AGTRAP: variants seen among roughly 807,000 people sequenced by gnomAD.
The protein encoded by AGTRAP is type-1 angiotensin II receptor-associated protein.
In AGTRAP, 7 loss-of-function variants were observed where a neutral mutation model predicts 15.2. The observed-to-expected ratio is 0.46, with a 90% CI of 0.26 to 0.87. The LOEUF (loss-of-function observed/expected upper bound fraction) is 0.87, where lower values mean the gene tolerates loss of function less well. Ranked by LOEUF, AGTRAP falls within the 40% of genes least tolerant of loss-of-function variation. The pLI is 0.15. For missense variants in AGTRAP, 187 were observed against 213.4 expected, an observed-to-expected ratio of 0.88 and a Z score of 0.77; for synonymous variants, 74 against 89.6, an observed-to-expected ratio of 0.83 and a Z score of 0.98.
rs1642277114 is a variant in AGTRAP, at chr1:11,750,065, C to T, written c.365-12C>T. 2 of 1,607,142 alleles carry T rather than the reference C, an allele frequency of 1.2e-6. No homozygotes were observed. The highest frequency in any genetic ancestry group is 2.2e-5 in the East Asian group (1 of 44,840). On this transcript the variant is annotated splice_polypyrimidine_tract_variant and intron_variant, in intron 4 of 4. Transcript: ENST00000314340. Reference sequence around the variant, plus strand: ...TTCATTTTTCTTTCCCACCATGTCCCCTGTCACCTAGGTTTCCTTGGGTCT... The same window carrying T: ...TTCATTTTTCTTTCCCACCATGTCCTCTGTCACCTAGGTTTCCTTGGGTCT...
chr1:11,749,985 G>C, intron 4 of AGTRAP, 92 bp from the exon 5 acceptor site: 1 of 955,572 alleles, frequency 1.0e-6, no homozygotes, highest in Non-Finnish European at 1.6e-6. Flanking sequence ...CCAGCCCGAG[G>C]GTGGCGGGGG....
chr1:11,748,219 C>T (rs1053061260), intron 3 of AGTRAP, among the ~76,000 whole-genome samples, 196 bp from the exon 4 acceptor site: 9 of 152,186 alleles, frequency 5.9e-5, no homozygotes, highest in Admixed American at 1.3e-4. Context: ...GAGACCTGGG[C>T]CCCCGGCATC....
chr1:11,746,344 C>T, intron 2 of AGTRAP: 1 of 873,748 alleles, frequency 1.1e-6, no homozygotes. Context: ...GGGACCCAGG[C>T]ACCTGCTTTC....
rs544946543 is a variant in AGTRAP, at chr1:11,746,607, T to TGG, written c.62+770_62+771insGG. ...AAGAGCATGGCCTCTCCAGCCAGAC[T>TGG]CCAAATCCCAGCCCCACTGCTCAGC... On this transcript the variant is annotated intron_variant, in intron 2 of 4. Transcript: ENST00000314340. The TGG allele has an allele frequency of 4.4e-3, 804 of 181,854 alleles. 7 individuals are homozygous for TGG. Among genetic ancestry groups the TGG allele is most frequent in the African/African-American group, 0.018 (766 of 42,548 alleles). The allele number at this position is 181,854 out of a possible 1,614,324, so 11.3% of individuals were successfully genotyped here. A position where few individuals can be genotyped will look rare whatever the true frequency, so the allele number is the denominator to read the frequency against.
chr1:11,749,294 G>GGT (rs906074079), intron 4 of AGTRAP, among the ~76,000 whole-genome samples: 3 of 152,150 alleles, frequency 2.0e-5, no homozygotes, highest in Non-Finnish European at 4.4e-5. Context: ...GAGGTGGTAG[G>GGT]GTGTGGCCTT....
chr1:11,747,620 C>G, intron 3 of AGTRAP, 75 bp downstream of exon 3: 1 of 1,436,578 alleles, frequency 7.0e-7, no homozygotes, highest in Non-Finnish European at 9.7e-7. Flanking sequence ...GCTCTGCTAC[C>G]CCGTCCCATC....
chr1:11,740,802 C>G (rs912392897), intron 1 of AGTRAP, among the ~76,000 whole-genome samples: 3 of 152,172 alleles, frequency 2.0e-5, no homozygotes, highest in African/African-American at 7.2e-5. Flanking sequence ...ATTTCCAAAA[C>G]AAGCCCAGAG....
chr1:11,739,569 C>G (rs536893499), intron 1 of AGTRAP, among the ~76,000 whole-genome samples: 1 of 152,270 alleles, frequency 6.6e-6, no homozygotes, highest in South Asian at 2.1e-4. Flanking sequence ...CAAACAAAAA[C>G]TCTGGCTGGA....
At chr1:11,747,324 G>A (rs1158121482) in intron 2 of AGTRAP, 116 bp from the exon 3 acceptor site, 1 of 904,664 alleles carries the variant, frequency 1.1e-6, no homozygotes, top group East Asian at 2.4e-5. Context: ...CACACAGCCG[G>A]GTGGCCTCGA....
In AGTRAP at chr1:11,747,564, G is replaced by A. The variant is rs1642195445; in HGVS notation, c.168+19G>A. 1 of 1,611,876 alleles carries A rather than the reference G, an allele frequency of 6.2e-7. No homozygotes were observed. The highest frequency in any genetic ancestry group is 1.7e-5 in the Admixed American group (1 of 60,006). On this transcript the variant is annotated intron_variant, in intron 3 of 4. Coordinates refer to ENST00000314340, the MANE Select transcript of AGTRAP (RefSeq NM_020350.5). ...AAGCATGGTGAGCCAGGGTGGGGGA[G>A]AGGCGGCAAGGCGGGGAGCCGCAGC...
At chr1:11,740,421 T>G (rs11121816) in intron 1 of AGTRAP, among the ~76,000 whole-genome samples, 57,692 of 152,112 alleles carry the variant, frequency 0.38, 11,162 homozygotes, top group East Asian at 0.57. Context: ...GAGGAGCAAC[T>G]GGTGCTAACT....
At chr1:11,746,225 T>C in intron 2 of AGTRAP, 1 of 1,602,022 alleles carries the variant, frequency 6.2e-7, no homozygotes, top group Non-Finnish European at 8.5e-7. Context: ...GCAACAGCTG[T>C]GAGTAATGTG....
chr1:11,742,382 CAG>C (rs912092724), intron 1 of AGTRAP, among the ~76,000 whole-genome samples: 1 of 152,188 alleles, frequency 6.6e-6, no homozygotes, highest in African/African-American at 2.4e-5. Flanking sequence ...CCTCTGCTGC[CAG>C]AGTGAGTTTG....
At chr1:11,741,892 G>A (rs1026708003) in intron 1 of AGTRAP, among the ~76,000 whole-genome samples, 2 of 152,184 alleles carry the variant, frequency 1.3e-5, no homozygotes, top group African/African-American at 2.4e-5. Flanking sequence ...TCAGAGTCTC[G>A]AGATCTTAAA....
At chr1:11,742,285 C>T (rs1019473082) in intron 1 of AGTRAP, among the ~76,000 whole-genome samples, 3 of 152,188 alleles carry the variant, frequency 2.0e-5, no homozygotes, top group Non-Finnish European at 4.4e-5. Flanking sequence ...GCTGTGAGGT[C>T]CAGATAAGGT....
chr1:11,736,632 G>A (rs1303022445), intron 1 of AGTRAP, among the ~76,000 whole-genome samples: 1 of 152,210 alleles, frequency 6.6e-6, no homozygotes, highest in African/African-American at 2.4e-5. Context: ...GACTGGGCTT[G>A]CCCCCCGGGT....
chr1:11,749,258 C>T (rs567583703), intron 4 of AGTRAP, among the ~76,000 whole-genome samples: 1 of 152,338 alleles, frequency 6.6e-6, no homozygotes, highest in South Asian at 2.1e-4. Context: ...CTCTTCCTTT[C>T]TCTCTCTCTT....
Position 11,745,125 on chromosome 1 carries a change from G to C in AGTRAP, c.28-678G>C, listed in dbSNP as rs1332128891. Reference sequence around the variant, plus strand: ...CCACCTCGGCCTCCCAAAATGCTGGGATTACAGGTGTGATCCACCGCGCCC... The same window carrying C: ...CCACCTCGGCCTCCCAAAATGCTGGCATTACAGGTGTGATCCACCGCGCCC... On this transcript the variant is annotated intron_variant, in intron 1 of 4. Coordinates refer to ENST00000314340, the MANE Select transcript of AGTRAP (RefSeq NM_020350.5). This position sits in a 1 kb window ranked among gnomAD's most constrained non-coding sequence, Gnocchi z 4.2. Among the ~76,000 whole-genome samples, 1 of 150,174 alleles carries C rather than the reference G, an allele frequency of 6.7e-6. No homozygotes were observed. Among genetic ancestry groups the C allele is most frequent in the Non-Finnish European group, 1.5e-5 (1 of 67,582 alleles).
rs369512679 is a variant in AGTRAP at position 11,748,453 on chromosome 1, C to T, written c.207C>T (p.Ile69=). ...TGCTGGCCACCATCTTCCTGGACAT[C>T]GTGCACATCAGCATCTTCTACCCGC... The part of the protein sequence containing the change: ...GGLLATIFLD[I]VHISIFYPRV... The change falls in exon 4 of 5, where the codon ATC becomes ATT. Residue 69 remains isoleucine, a synonymous_variant. Coordinates refer to ENST00000314340, the MANE Select transcript of AGTRAP (RefSeq NM_020350.5). 14 of 1,613,736 alleles carry T rather than the reference C, an allele frequency of 8.7e-6. No individual in the cohort carries two copies. The highest frequency in any genetic ancestry group is 5.5e-5 in the South Asian group (5 of 91,086).
Sources: gnomAD v4.1 joint callset for allele counts (sites outside exome capture counted in the v4.1 genomes callset) on GRCh38, gnomAD v4.1.1 for gene constraint, Gnocchi (gnomAD v3.1) non-coding constraint, MANE v1.5 for transcripts, NCBI Gene and HGNC (gene_info 2026-07-23, HGNC 2026-07-21) for gene names.